Variants in MALRD1 observed in about 807,000 individuals in gnomAD.
MALRD1 encodes MAM and LDL-receptor class A domain-containing protein 1.
A neutral mutation model predicts 242.1 loss-of-function variants in MALRD1; 247 were observed. The observed-to-expected ratio is 1.02, with a 90% CI of 0.92 to 1.13. The LOEUF (loss-of-function observed/expected upper bound fraction) is 1.13, where lower values mean the gene tolerates loss of function less well. MALRD1 is among the 50% of genes most tolerant of loss of function. The pLI, the probability that MALRD1 is intolerant of heterozygous loss-of-function variation, is 0.00. For missense variants in MALRD1, 2,989 were observed against 2,533.1 expected (o/e 1.18, Z -3.86); for synonymous variants, 995 against 866.6 (o/e 1.15, Z -2.60).
At chr10:19,661,647 G>T (rs571425036) in intron 36 of MALRD1, among the ~76,000 whole-genome samples, 1 of 152,026 alleles carries the variant, frequency 6.6e-6, no homozygotes, top group African/African-American at 2.4e-5. Context: ...GGATAGGGGC[G>T]GGGGGAAGGA....
chr10:19,674,036 C>T (rs963109018), intron 36 of MALRD1, among the ~76,000 whole-genome samples: 5 of 152,034 alleles, frequency 3.3e-5, no homozygotes, highest in East Asian at 3.9e-4. Context: ...TGGCAGTGGC[C>T]TATCTTAGAC....
intron 36 of MALRD1, among the ~76,000 whole-genome samples, chr10:19,663,221 C>G (rs1434996706): frequency 6.6e-6 from 1 of 152,120 alleles, no homozygotes; most frequent in Admixed American, 6.6e-5. Flanking sequence ...ATTCCAGTCT[C>G]TATGCCCATG....
intron 34 of MALRD1, among the ~76,000 whole-genome samples, chr10:19,602,766 A>G (rs1039380089): frequency 8.7e-4 from 132 of 152,194 alleles, no homozygotes; most frequent in Non-Finnish European, 1.6e-3. Context: ...TTGAGGAATC[A>G]CCACACTGTC....
At chr10:19,510,202 A>G (rs1001954931) in intron 31 of MALRD1, among the ~76,000 whole-genome samples, 3 of 152,236 alleles carry the variant, frequency 2.0e-5, no homozygotes, top group Non-Finnish European at 4.4e-5. Flanking sequence ...GTTTTCTGCT[A>G]TCTCAGTAGA....
intron 21 of MALRD1, among the ~76,000 whole-genome samples, chr10:19,316,440 G>C (rs1048717174): frequency 4.0e-5 from 6 of 151,846 alleles, no homozygotes; most frequent in African/African-American, 1.5e-4. Flanking sequence ...TGGGGAGTCA[G>C]CCAGTAAGAA....
intron 18 of MALRD1, among the ~76,000 whole-genome samples, chr10:19,238,436 A>G (rs1312665394): frequency 3.7e-4 from 23 of 62,546 alleles, no homozygotes; most frequent in Admixed American, 3.2e-3. Flanking sequence ...TATATATAAT[A>G]TATAATATAC....
At chr10:19,505,574 G>A (rs780984622) in intron 31 of MALRD1, among the ~76,000 whole-genome samples, 4 of 152,152 alleles carry the variant, frequency 2.6e-5, no homozygotes, top group Admixed American at 2.6e-4. Flanking sequence ...AATTTCTGTC[G>A]TTTAAGTCAT....
At chr10:19,071,229 G>C (rs543021343) in intron 2 of MALRD1, among the ~76,000 whole-genome samples, 10 of 151,606 alleles carry the variant, frequency 6.6e-5, no homozygotes, top group Admixed American at 2.0e-4. Context: ...TGCTAGAAGG[G>C]CTCCCTACAC....
intron 14 of MALRD1, among the ~76,000 whole-genome samples, chr10:19,197,974 T>A (rs1387893536): frequency 6.6e-6 from 1 of 152,214 alleles, no homozygotes; most frequent in Admixed American, 6.5e-5. Context: ...CACATAGTGG[T>A]TTTTACTCTC....
chr10:19,476,545 C>A (rs1299369411), intron 29 of MALRD1, among the ~76,000 whole-genome samples: 2 of 152,162 alleles, frequency 1.3e-5, no homozygotes, highest in East Asian at 1.9e-4. Flanking sequence ...GGCCTCTTCC[C>A]CAGCTCTGTC....
intron 38 of MALRD1, among the ~76,000 whole-genome samples, chr10:19,701,144 GTCTC>G (rs1174690543): frequency 1.3e-5 from 2 of 152,048 alleles, no homozygotes; most frequent in African/African-American, 4.8e-5. Flanking sequence ...GCAAGACCCT[GTCTC>G]TCTAAAAATA....
chr10:19,156,741 A>G (rs536743236), intron 12 of MALRD1, among the ~76,000 whole-genome samples: 1 of 152,294 alleles, frequency 6.6e-6, no homozygotes, highest in East Asian at 1.9e-4. Flanking sequence ...TACCTTTCCC[A>G]TCATTGTATG....
At chr10:19,158,920 G>A (rs151259131) in intron 12 of MALRD1, among the ~76,000 whole-genome samples, 4 of 152,292 alleles carry the variant, frequency 2.6e-5, no homozygotes, top group African/African-American at 9.6e-5. Context: ...AGTAATTTTG[G>A]ATCATGTCCT....
chr10:19,067,530 A>G (rs1245643591), intron 2 of MALRD1, among the ~76,000 whole-genome samples: 1 of 152,150 alleles, frequency 6.6e-6, no homozygotes, highest in Non-Finnish European at 1.5e-5. Flanking sequence ...TCCCTCAAAC[A>G]AATTCAATTA....
intron 13 of MALRD1, among the ~76,000 whole-genome samples, chr10:19,171,010 T>G (rs1330717032): frequency 2.0e-5 from 3 of 152,100 alleles, no homozygotes; most frequent in South Asian, 4.1e-4. Context: ...TTCATATTCA[T>G]TTTTTGCTCC....
At chr10:19,522,796 T>A (rs533830078) in intron 31 of MALRD1, among the ~76,000 whole-genome samples, 1 of 152,190 alleles carries the variant, frequency 6.6e-6, no homozygotes, top group Non-Finnish European at 1.5e-5. Context: ...AGTATTTGGC[T>A]TTTAACTCAG....
intron 29 of MALRD1, among the ~76,000 whole-genome samples, chr10:19,456,795 A>G (rs1589109532): frequency 7.6e-6 from 1 of 132,170 alleles, no homozygotes; most frequent in African/African-American, 2.7e-5. Context: ...TTATTTTGAG[A>G]CAGAGTCTCG....
Position 19,104,074 on chromosome 10 carries a change from T to A in MALRD1, c.693T>A (p.Asn231Lys), listed in dbSNP as rs1275683339. 1 of 1,229,846 alleles carries A rather than the reference T, an allele frequency of 8.1e-7. No individual in the cohort carries two copies. The highest frequency in any genetic ancestry group is 1.0e-6 in the Non-Finnish European group (1 of 984,594). 76.2% of individuals were successfully genotyped at this position (1,229,846 alleles called of 1,614,324 possible). A position where few individuals can be genotyped will look rare whatever the true frequency, so the allele number is the denominator to read the frequency against. ...TCAGTTCAGGCTGCTTGCCTGCCAATGGTAAGAACTTTTTCTCTCATTTTG... is the reference window on the plus strand; with the variant it reads ...TCAGTTCAGGCTGCTTGCCTGCCAAAGGTAAGAACTTTTTCTCTCATTTTG... ...ISFSSGCLPA[N>K]DGILLCQEAL... The change falls in exon 5 of 40, where the codon AAT becomes AAA. Residue 231 changes from asparagine to lysine, a missense_variant and splice_region_variant. By Grantham distance (94) the Asn-to-Lys change is moderately conservative. Coordinates refer to ENST00000454679, the MANE Select transcript of MALRD1 (RefSeq NM_001142308.3).
At chr10:19,707,061 CCTTT>C (rs1833897057) in intron 38 of MALRD1, among the ~76,000 whole-genome samples, 2 of 150,454 alleles carry the variant, frequency 1.3e-5, no homozygotes, top group African/African-American at 4.9e-5. Flanking sequence ...TCCTCCTCCT[CCTTT>C]CTTCTACTTC....
Sources: gnomAD v4.1 joint callset for allele counts (sites outside exome capture counted in the v4.1 genomes callset) on GRCh38, gnomAD v4.1.1 for gene constraint, MANE v1.5 for transcripts, NCBI Gene and HGNC (gene_info 2026-07-23, HGNC 2026-07-21) for gene names.